The following SLC26A6 variants were observed in gnomAD, a reference collection of about 807,000 sequenced individuals.
SLC26A6 encodes solute carrier family 26 member 6, also known as anion exchange transporter.
SLC26A6 carries 67 observed loss-of-function variants against 87.1 expected under a neutral mutation model. The observed-to-expected ratio is 0.77, with a 90% confidence interval of 0.63 to 0.94. SLC26A6 has a LOEUF of 0.94. Among genes scored for constraint, SLC26A6 ranks in the 40% least tolerant of loss-of-function variants. The pLI is 0.00. For missense variants in SLC26A6, 902 were observed against 973.0 expected (o/e 0.93, Z 0.97); for synonymous variants, 414 against 405.9 (o/e 1.02, Z -0.24).
In SLC26A6 at chr3:48,625,723, T is replaced by C; in HGVS notation, c.*263A>G. ...CACCAAGCCACAGCAGAGACTGGAGTTGAGCAGACAAATCTTTATTCCTGA... is the reference window on the plus strand; with the variant it reads ...CACCAAGCCACAGCAGAGACTGGAGCTGAGCAGACAAATCTTTATTCCTGA... On this transcript the variant is annotated 3_prime_UTR_variant, in exon 21 of 21. Transcript: ENST00000395550. The surrounding 1 kb of genome is among the most constrained non-coding windows in gnomAD (Gnocchi z 4.7). The C allele has an allele frequency of 1.7e-6, 1 of 578,078 alleles. No individual in the cohort carries two copies. Among genetic ancestry groups the C allele is most frequent in the Non-Finnish European group, 3.1e-6 (1 of 319,344 alleles). 35.8% of individuals were successfully genotyped at this position (578,078 alleles called of 1,614,324 possible). A position where few individuals can be genotyped will look rare whatever the true frequency, so the allele number is the denominator to read the frequency against.
At chr3:48,635,133 C>G (rs1303044254) in intron 1 of SLC26A6, among the ~76,000 whole-genome samples, 1 of 152,224 alleles carries the variant, frequency 6.6e-6, no homozygotes, top group African/African-American at 2.4e-5. Context: ...CCCTGTGGCC[C>G]GGGATGGCCC....
At chr3:48,630,254 G>T in intron 11 of SLC26A6, 97 bp from the exon 12 acceptor site, 7 of 1,428,042 alleles carry the variant, frequency 4.9e-6, no homozygotes, top group Non-Finnish European at 6.8e-6. Context: ...AAGCACTCAG[G>T]CAGTACCCCA....
intron 1 of SLC26A6, among the ~76,000 whole-genome samples, chr3:48,635,152 C>T (rs2046920771): frequency 6.6e-6 from 1 of 152,256 alleles, no homozygotes; most frequent in Non-Finnish European, 1.5e-5. Context: ...CCTCGGGCGT[C>T]ACACCAGCGG....
In SLC26A6 at chr3:48,628,149, C is replaced by G. The variant is rs2046677941; in HGVS notation, c.1801-111G>C. 11 of 1,067,450 alleles carry G rather than the reference C, an allele frequency of 1.0e-5. No individual in the cohort carries two copies. Among genetic ancestry groups the G allele is most frequent in the Non-Finnish European group, 1.4e-5 (10 of 739,852 alleles). The allele number at this position is 1,067,450 out of a possible 1,614,324, so 66.1% of individuals were successfully genotyped here. On this transcript the variant is annotated intron_variant, in intron 16 of 20. Coordinates refer to ENST00000395550, the MANE Select transcript of SLC26A6 (RefSeq NM_022911.3). The surrounding 1 kb of genome is among the most constrained non-coding windows in gnomAD (Gnocchi z 4.4). ...TGCTGGGCAGGTGGGTGGGCCAGGA[C>G]CAGAAGCTGTGGGACCTGCAGCAGC...
chr3:48,628,391 CA>C lies in SLC26A6; in HGVS notation c.1800+42del, dbSNP rs750921675. The C allele has an allele frequency of 6.8e-6, 11 of 1,609,262 alleles. No homozygotes were observed. The highest frequency in any genetic ancestry group is 2.7e-5 in the African/African-American group (2 of 73,660). On this transcript the variant is annotated intron_variant, in intron 16 of 20. Coordinates refer to ENST00000395550, the MANE Select transcript of SLC26A6 (RefSeq NM_022911.3). The surrounding 1 kb of genome is among the most constrained non-coding windows in gnomAD (Gnocchi z 4.4). The stretch of plus-strand genomic sequence containing the variant: ...CCAGGAGAAAGGCTGGGGCAGGGAA[CA>C]GGGGGCAGGAGATGGGGGTCACCAG...
In SLC26A6 at chr3:48,635,361, C is replaced by T. The variant is rs1263679560; in HGVS notation, c.23+10G>A. 6.3e-7 allele frequency: 1 copy of T among 1,588,534 alleles called. No individual in the cohort carries two copies. The highest frequency in any genetic ancestry group is 2.3e-5 in the East Asian group (1 of 43,510). On this transcript the variant is annotated intron_variant, in intron 1 of 20. Transcript: ENST00000395550. ...CGCGCGGGGCCACCGGGAATGTGCG[C>T]TGAACTCACCCCGACGCATCCGCCA...
At position 48,625,811 on chromosome 3, in the gene SLC26A6, C is replaced by G; in HGVS notation, c.*175G>C. ...CACTGCCAGCCTGACTGCATGCAGG[C>G]CCTGTCCCAGACCTGGAGCGCTGAA... On this transcript the variant is annotated 3_prime_UTR_variant, in exon 21 of 21. Coordinates refer to ENST00000395550, the MANE Select transcript of SLC26A6 (RefSeq NM_022911.3). The surrounding 1 kb of genome is among the most constrained non-coding windows in gnomAD (Gnocchi z 4.7). 1 of 738,576 alleles carries G rather than the reference C, an allele frequency of 1.4e-6. No individual in the cohort carries two copies. Among genetic ancestry groups the G allele is most frequent in the Non-Finnish European group, 2.2e-6 (1 of 445,012 alleles). The allele number at this position is 738,576 out of a possible 1,614,324, so 45.8% of individuals were successfully genotyped here.
At chr3:48,626,493 C>G (rs1260725237) in intron 19 of SLC26A6, 138 bp downstream of exon 19, 1 of 1,535,592 alleles carries the variant, frequency 6.5e-7, no homozygotes, top group Non-Finnish European at 8.9e-7. Flanking sequence ...ACTTGTAACC[C>G]TGGACTCCTG....
Position 48,626,017 on chromosome 3 carries a change from G to A in SLC26A6, c.2266-17C>T. The stretch of plus-strand genomic sequence containing the variant: ...TCTGGTGACCTGAGCAGGCAGAGGA[G>A]GGGAGGCTCTAGTCAGTTTCCAAAG... On this transcript the variant is annotated splice_polypyrimidine_tract_variant and intron_variant, in intron 20 of 20. Transcript: ENST00000395550. The A allele has an allele frequency of 1.2e-6, 2 of 1,613,792 alleles. No homozygotes were observed. Among genetic ancestry groups the A allele is most frequent in the South Asian group, 2.2e-5 (2 of 91,042 alleles).
At position 48,626,232 on chromosome 3, in the gene SLC26A6, C is replaced by T. The variant is rs772615123; in HGVS notation, c.2251G>A (p.Asp751Asn). ...FALQHPRPVP[D>N]SPVSVTRL ...GGTAGGCTCACCGAAACAGGGCTGT[C>T]GGGGACAGGCCTCGGGTGTTGGAGG... The change falls in exon 20 of 21, where the codon GAC becomes AAC. Residue 751 changes from aspartate to asparagine, a missense_variant. By Grantham distance (23) the Asp-to-Asn change is conservative. Coordinates refer to ENST00000395550, the MANE Select transcript of SLC26A6 (RefSeq NM_022911.3). 4.3e-6 allele frequency: 7 copies of T among 1,613,984 alleles called. No individual in the cohort carries two copies. In the Admixed American group the frequency reaches 5.0e-5, roughly 12 times the overall value.
chr3:48,627,831 G>A (rs752751986), intron 17 of SLC26A6, 115 bp downstream of exon 17: 96 of 921,100 alleles, frequency 1.0e-4, no homozygotes, highest in Non-Finnish European at 1.4e-4. Flanking sequence ...TCCTGCCATC[G>A]GCGCAACACC....
rs1360487613 is a variant in SLC26A6 at position 48,632,812 on chromosome 3, G to A, written c.433+162C>T. 8.1e-6 allele frequency: 6 copies of A among 738,160 alleles called. No homozygotes were observed. The Admixed American group carries it at 1.3e-4, about 16-fold the overall frequency. 45.7% of individuals were successfully genotyped at this position (738,160 alleles called of 1,614,324 possible). A position where few individuals can be genotyped will look rare whatever the true frequency, so the allele number is the denominator to read the frequency against. ...CCTGCCTCTGTGGTCCTACAGTCAG[G>A]GGTCTAGTCCTGCCTGGGGATGACT... On this transcript the variant is annotated intron_variant, in intron 4 of 20. Transcript: ENST00000395550.
At chr3:48,627,835 C>T in intron 17 of SLC26A6, 111 bp downstream of exon 17, 7 of 1,015,886 alleles carry the variant, frequency 6.9e-6, no homozygotes, top group Non-Finnish European at 9.8e-6. Context: ...GCCATCGGCG[C>T]AACACCCTCG....
chr3:48,629,945 A>G lies in SLC26A6; in HGVS notation c.1456T>C (p.Leu486=), dbSNP rs2046735213. ...ACCAAGCCAAGGTCCAGGTTCAGCA[A>G]GATGGTGGCCGTGAAGGTCACCAGC... ...IWLVTFTATI[L]LNLDLGLVVA... The change falls in exon 13 of 21, where the codon TTG becomes CTG. Residue 486 remains leucine, a synonymous_variant. Transcript: ENST00000395550. 1 of 1,614,128 alleles carries G rather than the reference A, an allele frequency of 6.2e-7. No homozygotes were observed. The highest frequency in any genetic ancestry group is 8.5e-7 in the Non-Finnish European group (1 of 1,180,034).
intron 1 of SLC26A6, chr3:48,634,749 C>T: frequency 6.1e-6 from 6 of 985,424 alleles, no homozygotes; most frequent in Non-Finnish European, 7.2e-6. Context: ...CGCCTCTAAC[C>T]TGGCTGTACT....
Position 48,626,669 on chromosome 3 carries a change from C to A in SLC26A6, c.2090G>T (p.Arg697Leu), listed in dbSNP as rs774307400. 1 of 1,614,122 alleles carries A rather than the reference C, an allele frequency of 6.2e-7. No homozygotes were observed. The highest frequency in any genetic ancestry group is 1.7e-5 in the Admixed American group (1 of 60,020). ...CATGTACACCTCCACCTCAATCTCC[C>A]GGAAGTCATGGAAAATCTGTAGCGG... ...KSLKNIFHDF[R>L]EIEVEVYMAA... Residue 697 changes from arginine to leucine, a missense_variant, in exon 19 of 21, where the codon CGG becomes CTG. Arg to Leu is a moderately radical substitution (Grantham distance 102). Coordinates refer to ENST00000395550, the MANE Select transcript of SLC26A6 (RefSeq NM_022911.3).
At chr3:48,633,811 C>A (rs748318557) in intron 1 of SLC26A6, 176 bp from the exon 2 acceptor site, 10 of 1,443,930 alleles carry the variant, frequency 6.9e-6, no homozygotes, top group Non-Finnish European at 9.1e-6. Context: ...CAGACAGGGG[C>A]AGTACCTGAA....
At position 48,630,611 on chromosome 3, in the gene SLC26A6, G is replaced by A. The variant is rs924459845; in HGVS notation, c.1244C>T (p.Ser415Leu). ...ATGCCCACACCCAAAGCCCACCTGC[G>A]AGTTGCCCCCGGTGCTCTCCTGTAC... ...SLVQESTGGNSQVAGAISSLF... is the reference protein window; with the variant it reads ...SLVQESTGGNLQVAGAISSLF... The change falls in exon 10 of 21, where the codon TCG (serine) becomes TTG (leucine). Residue 415 changes from serine to leucine, a missense_variant. Physicochemically the swap from Ser to Leu is moderately radical, Grantham distance 145. This residue lies in a region of SLC26A6 where 800 missense variants were observed against 856.8 expected (regional missense o/e 0.93). Coordinates refer to ENST00000395550, the MANE Select transcript of SLC26A6 (RefSeq NM_022911.3). The A allele has an allele frequency of 3.2e-6, 5 of 1,577,760 alleles. No homozygotes were observed. The highest frequency in any genetic ancestry group is 1.7e-4 in the Middle Eastern group (1 of 6,020).
In SLC26A6 at chr3:48,631,729, C is replaced by A. The variant is rs776567396; in HGVS notation, c.823G>T (p.Val275Leu). The change falls in exon 7 of 21, where the codon GTG becomes TTG. Residue 275 changes from valine to leucine, a missense_variant. Physicochemically the swap from Val to Leu is conservative, Grantham distance 32 (BLOSUM62 1). Transcript: ENST00000395550. The stretch of plus-strand genomic sequence containing the variant: ...AACAGCTTCACCACCACGAGCACCA[C>A]CCCAGCCACAGCTGCAGTGACCACG... ...GTVVTAAVAG[V>L]VLVVVKLLND... 3 of 1,613,586 alleles carry A rather than the reference C, an allele frequency of 1.9e-6. No homozygotes were observed. The highest frequency in any genetic ancestry group is 2.7e-5 in the African/African-American group (2 of 75,044).
Sources: allele counts gnomAD v4.1 joint callset (sites outside exome capture counted in the v4.1 genomes callset), GRCh38; gene constraint gnomAD v4.1.1; regional missense constraint gnomAD v4.1.1; non-coding constraint Gnocchi (gnomAD v3.1); transcripts MANE v1.5; gene names NCBI Gene and HGNC (gene_info 2026-07-23, HGNC 2026-07-21).